The following SI variants were observed in gnomAD, a reference collection of about 807,000 sequenced individuals.
SI encodes sucrase-isomaltase.
In SI, 235 loss-of-function variants were observed where a neutral mutation model predicts 253.3. That is an observed-to-expected ratio of 0.93 (90% CI 0.83 to 1.03). The LOEUF (loss-of-function observed/expected upper bound fraction) is 1.03. Among genes scored for constraint, SI ranks in the 50% least tolerant of loss-of-function variants. The pLI, the probability that SI is intolerant of heterozygous loss-of-function variation, is 0.00. For synonymous variants in SI, 819 were observed against 712.0 expected (o/e 1.15, Z -2.39); for missense variants, 2,442 against 2,211.1 (o/e 1.10, Z -2.09).
intron 40 of SI, among the ~76,000 whole-genome samples, chr3:164,994,808 G>A (rs373587598): frequency 6.6e-6 from 1 of 151,584 alleles, no homozygotes; most frequent in African/African-American, 2.4e-5. Context: ...TGGTGACCAT[G>A]CACATTGTGG....
intron 37 of SI, among the ~76,000 whole-genome samples, chr3:165,001,480 G>C (rs1384762399): frequency 6.6e-6 from 1 of 151,370 alleles, no homozygotes; most frequent in Non-Finnish European, 1.5e-5. Flanking sequence ...TATTTTGTAG[G>C]CTAAAATATT....
At chr3:165,004,950 C>A (rs1032818759) in intron 37 of SI, among the ~76,000 whole-genome samples, 18 of 152,056 alleles carry the variant, frequency 1.2e-4, no homozygotes, top group Non-Finnish European at 1.8e-4. Flanking sequence ...TTCCCCTACG[C>A]TATTCTTGTA....
At chr3:165,023,531 A>T in intron 26 of SI, 39 bp downstream of exon 26, 1 of 1,350,426 alleles carries the variant, frequency 7.4e-7, no homozygotes, top group Non-Finnish European at 1.1e-6. Flanking sequence ...TCATCTCACA[A>T]GATGAGTTAA....
At chr3:164,989,089 A>C (rs1430069347) in intron 44 of SI, among the ~76,000 whole-genome samples, 1 of 123,910 alleles carries the variant, frequency 8.1e-6, no homozygotes, top group Admixed American at 7.1e-5. Context: ...GTATAATAAT[A>C]ATAAATAAAT....
intron 33 of SI, 111 bp from the exon 34 acceptor site, chr3:165,013,153 T>C: frequency 1.3e-6 from 1 of 774,714 alleles, no homozygotes; most frequent in Non-Finnish European, 2.4e-6. Context: ...ACTCAAAGTC[T>C]TCAGATCTGC....
chr3:165,015,320 C>CCTTTGTCATTGCCCATCCCG, intron 32 of SI, 87 bp from the exon 33 acceptor site: 1 of 841,124 alleles, frequency 1.2e-6, no homozygotes, highest in East Asian at 2.6e-5. Context: ...GTTTTCATTA[C>CCTTTGTCATTGCCCATCCCG]TACATTATCA....
At chr3:165,089,024 T>C in the SI span, among the ~76,000 whole-genome samples, 3 of 151,928 alleles carry the variant, frequency 2.0e-5, no homozygotes, top group Non-Finnish European at 4.4e-5. Flanking sequence ...AAATGAACTT[T>C]TTCACCTCCC....
intron 41 of SI, 46 bp downstream of exon 41, chr3:164,994,211 T>C: frequency 1.3e-6 from 2 of 1,565,318 alleles, no homozygotes; most frequent in Non-Finnish European, 1.8e-6. Context: ...GTAAATTAAG[T>C]GAAAAGTATC....
chr3:165,063,431 A>C lies in SI; in HGVS notation c.907+11T>G, dbSNP rs1714074563. ...AATCTATAAATATATTATCAAATGA[A>C]TTATTCTTACCCATTGCATTGCTAT... On this transcript the variant is annotated intron_variant, in intron 8 of 47. Transcript: ENST00000264382. 1 of 1,188,932 alleles carries C rather than the reference A, an allele frequency of 8.4e-7. No homozygotes were observed. Among genetic ancestry groups the C allele is most frequent in the East Asian group, 2.4e-5 (1 of 42,388 alleles). The allele number at this position is 1,188,932 out of a possible 1,614,324, so 73.6% of individuals were successfully genotyped here. A position where few individuals can be genotyped will look rare whatever the true frequency, so the allele number is the denominator to read the frequency against.
At chr3:164,998,306 C>T (rs146274726) in intron 38 of SI, among the ~76,000 whole-genome samples, 1 of 151,772 alleles carries the variant, frequency 6.6e-6, no homozygotes, top group African/African-American at 2.4e-5. Flanking sequence ...GAAACTCAGG[C>T]CAATAACAAT....
At chr3:165,005,573 G>A (rs1183371234) in intron 37 of SI, among the ~76,000 whole-genome samples, 1 of 152,058 alleles carries the variant, frequency 6.6e-6, no homozygotes, top group Admixed American at 6.6e-5. Flanking sequence ...CAACTGCAGT[G>A]TCTAATATGG....
Position 165,023,760 on chromosome 3 carries a change from T to C in SI, c.2909A>G (p.Lys970Arg). 1 of 1,609,862 alleles carries C rather than the reference T, an allele frequency of 6.2e-7. No individual in the cohort carries two copies. Among genetic ancestry groups the C allele is most frequent in the Non-Finnish European group, 8.5e-7 (1 of 1,177,224 alleles). Residue 970 changes from lysine (K) to arginine (R), a missense_variant, in exon 26 of 48, where the codon AAA (lysine) becomes AGA (arginine). Physicochemically the swap from Lys to Arg is conservative, Grantham distance 26. Transcript: ENST00000264382. ...CVWRTGSSLS[K>R]APECYFPRQD... ...TCTGGGAAAGTAACACTCAGGTGCT[T>C]TGGATAGAGAAGAACCCTAAAAACA...
intron 32 of SI, among the ~76,000 whole-genome samples, chr3:165,015,566 A>G (rs932823863): frequency 6.6e-6 from 1 of 152,128 alleles, no homozygotes; most frequent in African/African-American, 2.4e-5. Context: ...TGAATCACCA[A>G]TCTGAAGGCA....
At chr3:165,020,873 A>G (rs753704884) in intron 27 of SI, among the ~76,000 whole-genome samples, 1 of 151,714 alleles carries the variant, frequency 6.6e-6, no homozygotes, top group Non-Finnish European at 1.5e-5. Context: ...CTATTTCAAC[A>G]GTTTCAATAA....
At chr3:164,991,937 G>A (rs1717753936) in intron 43 of SI, among the ~76,000 whole-genome samples, 1 of 152,020 alleles carries the variant, frequency 6.6e-6, no homozygotes, top group African/African-American at 2.4e-5. Flanking sequence ...TGTATGTAAT[G>A]TGTAGTTACC....
In SI at chr3:165,060,028, C is replaced by T; in HGVS notation, c.1021-1G>A. On this transcript the variant is annotated splice_acceptor_variant, in intron 9 of 47. Coordinates refer to ENST00000264382, the MANE Select transcript of SI (RefSeq NM_001041.4). LOFTEE classifies it high-confidence loss of function. ...CTGGCATTGCTGGTAGTCCAACAAG[C>T]TTAAAGTAAATGAGCATGTAATTAG... 2 of 1,610,920 alleles carry T rather than the reference C, an allele frequency of 1.2e-6. No homozygotes were observed. The highest frequency in any genetic ancestry group is 1.7e-6 in the Non-Finnish European group (2 of 1,177,976).
rs543897516 is a variant in SI at position 165,059,770 on chromosome 3, C to A, written c.1146+132G>T. ...TACATATGAGATAAAATATACTTTA[C>A]AATTAAAAGGCAGCCTCTTAATTAT... On this transcript the variant is annotated intron_variant, in intron 10 of 47. Coordinates refer to ENST00000264382, the MANE Select transcript of SI (RefSeq NM_001041.4). The A allele has an allele frequency of 3.5e-5, 32 of 922,650 alleles. 1 individual carries two copies. The South Asian group carries it at 4.6e-4, about 13-fold the overall frequency. 57.2% of individuals were successfully genotyped at this position (922,650 alleles called of 1,614,324 possible). A position where few individuals can be genotyped will look rare whatever the true frequency, so the allele number is the denominator to read the frequency against.
At chr3:165,076,276 G>A (rs1175792596) in intron 1 of SI, among the ~76,000 whole-genome samples, 1 of 151,704 alleles carries the variant, frequency 6.6e-6, no homozygotes, top group Non-Finnish European at 1.5e-5. Context: ...GCACATTACA[G>A]TAGTAGTAGT....
In SI at chr3:165,017,756, C is replaced by T. The variant is rs368732018; in HGVS notation, c.3633+5G>A. 1.7e-5 allele frequency: 27 copies of T among 1,607,184 alleles called. No individual in the cohort carries two copies. The Middle Eastern group carries it at 4.9e-4, about 29-fold the overall frequency. Reference sequence around the variant, plus strand: ...AATTTTTTTAAAAGAAATATGCAATCATACTTCATGGTATTGCTTTGTTGC... The same window carrying T: ...AATTTTTTTAAAAGAAATATGCAATTATACTTCATGGTATTGCTTTGTTGC... On this transcript the variant is annotated splice_donor_5th_base_variant and intron_variant, in intron 30 of 47. Coordinates refer to ENST00000264382, the MANE Select transcript of SI (RefSeq NM_001041.4).
Sources: allele counts gnomAD v4.1 joint callset (sites outside exome capture counted in the v4.1 genomes callset), GRCh38; gene constraint gnomAD v4.1.1; transcripts MANE v1.5; gene names NCBI Gene and HGNC (gene_info 2026-07-23, HGNC 2026-07-21).